Variants in JMJD1C observed in about 807,000 individuals in gnomAD.
The protein encoded by JMJD1C is jumonji domain containing 1C, also known as jumonji domain-containing protein 1C.
JMJD1C carries 31 observed loss-of-function variants against 245.3 expected under a neutral mutation model. The observed-to-expected ratio is 0.13, with a 90% CI of 0.09 to 0.17. JMJD1C has a LOEUF of 0.17. Among genes scored for constraint, JMJD1C ranks in the 10% least tolerant of loss-of-function variants. The probability of loss-of-function intolerance (pLI) is 1.00; values close to 1 mark genes in which losing one functional copy is unlikely to be tolerated. For missense variants in JMJD1C, 2,691 were observed against 3,000.2 expected, an observed-to-expected ratio of 0.90 and a Z score of 2.41; for synonymous variants, 1,057 against 1,017.4, an observed-to-expected ratio of 1.04 and a Z score of -0.74.
chr10:63,270,168 C>A (rs1856110472), intron 2 of JMJD1C, among the ~76,000 whole-genome samples: 2 of 152,116 alleles, frequency 1.3e-5, no homozygotes, highest in South Asian at 2.1e-4. Context: ...ATAGTAAGTT[C>A]TCTCTCTATT....
chr10:63,404,628 A>G (rs79173792), intron 1 of JMJD1C, among the ~76,000 whole-genome samples: 2,022 of 152,310 alleles, frequency 0.013, 31 homozygotes, highest in African/African-American at 0.034. Context: ...AATGAAATTT[A>G]TGATTGGAAT....
At chr10:63,512,126 G>T (rs1954889670) in intron 1 of JMJD1C, among the ~76,000 whole-genome samples, 1 of 152,146 alleles carries the variant, frequency 6.6e-6, no homozygotes, top group Non-Finnish European at 1.5e-5. Flanking sequence ...TAAGTACCAT[G>T]TATAGATACA....
chr10:63,332,756 T>C (rs1279593018), intron 2 of JMJD1C, among the ~76,000 whole-genome samples: 7 of 152,246 alleles, frequency 4.6e-5, no homozygotes, highest in Non-Finnish European at 1.0e-4. Context: ...AGAATCACTT[T>C]TCAAATGAAA....
chr10:63,254,853 C>T (rs1001132810), intron 3 of JMJD1C, among the ~76,000 whole-genome samples: 8 of 147,040 alleles, frequency 5.4e-5, no homozygotes, highest in Non-Finnish European at 1.1e-4. Flanking sequence ...CAGCATAGCT[C>T]CCCCCCTTTT....
rs1295328427 is a variant in JMJD1C, at chr10:63,207,119, G to A, written c.4550C>T (p.Pro1517Leu). The change falls in exon 10 of 26, where the codon CCT (proline) becomes CTT (leucine). Residue 1517 changes from proline to leucine, a missense_variant. Pro to Leu is a moderately conservative substitution (Grantham distance 98). Transcript: ENST00000399262. ...IKNQTLSASL[P>L]LDSTVICSTI... Reference sequence around the variant, plus strand: ...ACTACAGATTACAGTGCTATCCAGAGGAAGGGAGGCTGAAAGTGTCTGATT... The same window carrying A: ...ACTACAGATTACAGTGCTATCCAGAAGAAGGGAGGCTGAAAGTGTCTGATT... The A allele has an allele frequency of 6.2e-7, 1 of 1,614,208 alleles. No individual in the cohort carries two copies. The highest frequency in any genetic ancestry group is 8.5e-7 in the Non-Finnish European group (1 of 1,180,038).
intron 8 of JMJD1C, among the ~76,000 whole-genome samples, chr10:63,211,114 G>A (rs1847264301): frequency 6.6e-6 from 1 of 152,156 alleles, no homozygotes; most frequent in Admixed American, 6.5e-5. Context: ...TTTCAAAACT[G>A]GTAGACCTTA....
intron 2 of JMJD1C, among the ~76,000 whole-genome samples, chr10:63,294,285 T>C (rs958939924): frequency 2.0e-5 from 3 of 151,952 alleles, no homozygotes; most frequent in Non-Finnish European, 4.4e-5. Flanking sequence ...TTCAATCTTT[T>C]TTTTTTTTTT....
rs548385223 is a variant in JMJD1C, at chr10:63,238,180, C to CA, written c.448-18198dup. ...TGGGTGACAGTGTGAGACTCCATCT[C>CA]AAAAAAAAAAAAAAAGAAAAAAAGG... On this transcript the variant is annotated intron_variant, in intron 3 of 25. Transcript: ENST00000399262. 7.1e-3 allele frequency among the ~76,000 whole-genome samples: 218 copies of CA among 30,552 alleles called. 2 individuals are homozygous for CA. The highest frequency in any genetic ancestry group is 0.016 in the African/African-American group (161 of 9,788). 20.0% of individuals were successfully genotyped at this position (30,552 alleles called of 152,430 possible).
At chr10:63,181,675 AG>A (rs1462442470) in intron 22 of JMJD1C, among the ~76,000 whole-genome samples, 7 of 152,232 alleles carry the variant, frequency 4.6e-5, no homozygotes, top group African/African-American at 1.7e-4. Context: ...GAAATATGCT[AG>A]GAACAGAAGC....
chr10:63,318,859 G>A (rs1405319865), intron 2 of JMJD1C, among the ~76,000 whole-genome samples: 1 of 151,946 alleles, frequency 6.6e-6, no homozygotes, highest in Admixed American at 6.6e-5. Context: ...TCATTTCAGT[G>A]CCTCATCTAA....
At chr10:63,344,740 A>G (rs7896518) in intron 2 of JMJD1C, among the ~76,000 whole-genome samples, 58,388 of 151,964 alleles carry the variant, frequency 0.38, 11,594 homozygotes, top group South Asian at 0.5. Flanking sequence ...TCTCCAAAAA[A>G]AAAATAGACG....
intron 1 of JMJD1C, among the ~76,000 whole-genome samples, chr10:63,385,227 A>G (rs1019906741): frequency 6.6e-6 from 1 of 152,058 alleles, no homozygotes; most frequent in African/African-American, 2.4e-5. Flanking sequence ...CAATGCTAAC[A>G]TCAAAGATCA....
At chr10:63,369,716 T>C (rs1946142723) in intron 2 of JMJD1C, among the ~76,000 whole-genome samples, 1 of 152,224 alleles carries the variant, frequency 6.6e-6, no homozygotes, top group Non-Finnish European at 1.5e-5. Context: ...TTTAAGAGTG[T>C]AGGCCAAAGG....
chr10:63,413,754 T>C (rs1949626961), intron 1 of JMJD1C, among the ~76,000 whole-genome samples: 1 of 152,214 alleles, frequency 6.6e-6, no homozygotes, highest in South Asian at 2.1e-4. Context: ...TGGATTTTTC[T>C]GTCAATTCAG....
intron 1 of JMJD1C, among the ~76,000 whole-genome samples, chr10:63,398,126 C>G (rs979180426): frequency 2.0e-5 from 3 of 152,146 alleles, no homozygotes; most frequent in Non-Finnish European, 2.9e-5. Context: ...CATTATTTAA[C>G]AGGCAGTATT....
chr10:63,267,443 C>T (rs927878639), intron 2 of JMJD1C, among the ~76,000 whole-genome samples: 2 of 152,032 alleles, frequency 1.3e-5, no homozygotes, highest in African/African-American at 4.8e-5. Flanking sequence ...ATGGGTCCTA[C>T]AGCTGGTATG....
At chr10:63,440,329 C>CT (rs1030840443) in intron 1 of JMJD1C, among the ~76,000 whole-genome samples, 11 of 138,274 alleles carry the variant, frequency 8.0e-5, no homozygotes, top group Admixed American at 1.5e-4. Flanking sequence ...GAGCAACACT[C>CT]TGTCTCAAAA....
intron 1 of JMJD1C, among the ~76,000 whole-genome samples, chr10:63,510,113 C>T (rs1422027718): frequency 6.6e-6 from 1 of 151,940 alleles, no homozygotes; most frequent in Admixed American, 6.6e-5. Flanking sequence ...CAAAATTCTC[C>T]TGCCTCGGCA....
At position 63,183,480 on chromosome 10, in the gene JMJD1C, T is replaced by C; in HGVS notation, c.7051A>G (p.Ile2351Val). 6.2e-7 allele frequency: 1 copy of C among 1,607,562 alleles called. No individual in the cohort carries two copies. Among genetic ancestry groups the C allele is most frequent in the South Asian group, 1.1e-5 (1 of 90,114 alleles). Residue 2351 changes from isoleucine to valine, a missense_variant, in exon 22 of 26, where the codon ATA becomes GTA. Around this residue, in one of 9 missense-constraint regions of JMJD1C, gnomAD observed 232 missense variants for 416.1 expected, o/e 0.56. Coordinates refer to ENST00000399262, the MANE Select transcript of JMJD1C (RefSeq NM_032776.3). ...DVVNILVYVGIAKGNGILSKA... is the reference protein window; with the variant it reads ...DVVNILVYVGVAKGNGILSKA... ...GAGAGAATGCCATTTCCTTTTGCTA[T>C]GCCAACATAAACTAGTATATTTACA...
Sources: gnomAD v4.1 joint callset for allele counts (sites outside exome capture counted in the v4.1 genomes callset) on GRCh38, gnomAD v4.1.1 for gene constraint, gnomAD v4.1.1 regional missense constraint, MANE v1.5 for transcripts, NCBI Gene and HGNC (gene_info 2026-07-23, HGNC 2026-07-21) for gene names.